Variants in PKIG observed in about 807,000 individuals in gnomAD.
PKIG encodes the protein protein kinase (cAMP-dependent, catalytic) inhibitor gamma.
Under a neutral mutation model 6.8 loss-of-function variants are expected in PKIG, and 1 was observed. That is an observed-to-expected ratio of 0.15 (90% CI 0.05 to 0.69). PKIG has a LOEUF of 0.69. Ranked by LOEUF, PKIG falls within the 30% of genes least tolerant of loss-of-function variation. The pLI is 0.82. For synonymous variants in PKIG, 39 were observed against 43.0 expected, an observed-to-expected ratio of 0.91 and a Z score of 0.36; for missense variants, 77 against 104.0, an observed-to-expected ratio of 0.74 and a Z score of 1.13.
intron 1 of PKIG, among the ~76,000 whole-genome samples, chr20:44,571,197 A>G (rs202203187): frequency 6.6e-6 from 1 of 151,906 alleles, no homozygotes; most frequent in East Asian, 1.9e-4. Context: ...TCGTGCTCTC[A>G]CTACAGCCTA....
intron 2 of PKIG, among the ~76,000 whole-genome samples, chr20:44,607,992 G>T (rs1014078417): frequency 6.8e-6 from 1 of 146,448 alleles, no homozygotes; most frequent in Non-Finnish European, 1.5e-5. Context: ...CACCATGCCC[G>T]GCCAAAATTT....
chr20:44,556,897 A>G (rs1301173161), intron 1 of PKIG, among the ~76,000 whole-genome samples: 2 of 152,188 alleles, frequency 1.3e-5, no homozygotes, highest in Admixed American at 6.5e-5. Context: ...AGCCCCACTC[A>G]TTATTTTTAT....
upstream of PKIG, among the ~76,000 whole-genome samples, chr20:44,582,325 G>A (rs1455261254): frequency 6.6e-6 from 1 of 152,162 alleles, no homozygotes; most frequent in Non-Finnish European, 1.5e-5. Flanking sequence ...TGGATAGGAA[G>A]CCTTTTGTCA....
At chr20:44,610,093 C>G (rs972236827) in intron 2 of PKIG, among the ~76,000 whole-genome samples, 2 of 152,188 alleles carry the variant, frequency 1.3e-5, no homozygotes, top group African/African-American at 4.8e-5. Context: ...TCCGGGAATT[C>G]TTTTAGCCAA....
intron 1 of PKIG, among the ~76,000 whole-genome samples, chr20:44,569,561 A>G (rs971556182): frequency 6.6e-6 from 1 of 152,200 alleles, no homozygotes; most frequent in Admixed American, 6.5e-5. Flanking sequence ...AATAAAATAT[A>G]CATAAACATG....
chr20:44,573,119 G>A (rs994877827), intron 1 of PKIG, among the ~76,000 whole-genome samples: 2 of 152,218 alleles, frequency 1.3e-5, no homozygotes, highest in African/African-American at 4.8e-5. Context: ...ACTGCTGCAG[G>A]CTGCCTGTGC....
At chr20:44,611,590 C>T (rs2065219661) in intron 2 of PKIG, among the ~76,000 whole-genome samples, 1 of 150,886 alleles carries the variant, frequency 6.6e-6, no homozygotes, top group African/African-American at 2.4e-5. Flanking sequence ...GATCTTGGCT[C>T]ACTGCAAGCT....
chr20:44,539,480 C>T (rs1204108765), intron 1 of PKIG, among the ~76,000 whole-genome samples: 7 of 151,138 alleles, frequency 4.6e-5, no homozygotes, highest in East Asian at 1.9e-4. Context: ...AGCGCAGTGG[C>T]GTGATCTCGG....
intron 1 of PKIG, among the ~76,000 whole-genome samples, chr20:44,586,791 G>A (rs1032312905): frequency 2.4e-4 from 37 of 152,212 alleles, no homozygotes; most frequent in African/African-American, 8.9e-4. Flanking sequence ...TTGGAGTACT[G>A]CTCCTTCAAA....
chr20:44,589,935 C>G (rs2065021270), intron 2 of PKIG, 69 bp downstream of exon 2: 1 of 152,282 alleles, frequency 6.6e-6, no homozygotes, highest in Non-Finnish European at 1.5e-5. Flanking sequence ...ATCTTTATTT[C>G]TGGTTGAAGG....
At chr20:44,592,030 G>T (rs917852313) in intron 2 of PKIG, among the ~76,000 whole-genome samples, 2 of 152,178 alleles carry the variant, frequency 1.3e-5, no homozygotes, top group Non-Finnish European at 2.9e-5. Context: ...TGTGTGCTTG[G>T]CACCACCCAC....
rs244086 is a variant in PKIG at position 44,610,653 on chromosome 20, A to G, written c.-23-3881A>G. Among the ~76,000 whole-genome samples, 389 of 152,354 alleles carry G rather than the reference A, an allele frequency of 2.6e-3. 1 individual carries two copies. Among genetic ancestry groups the G allele is most frequent in the African/African-American group, 8.6e-3 (357 of 41,576 alleles). The stretch of plus-strand genomic sequence containing the variant: ...ATAAAACTTCAACCATTGAAAAAAT[A>G]TAGACTTAGAAAACGAAAGTTCCCC... On this transcript the variant is annotated intron_variant, in intron 2 of 3. Coordinates refer to ENST00000372886, the MANE Select transcript of PKIG (RefSeq NM_001281445.2).
At chr20:44,533,396 A>G (rs576698911) in intron 1 of PKIG, among the ~76,000 whole-genome samples, 3 of 152,240 alleles carry the variant, frequency 2.0e-5, no homozygotes, top group African/African-American at 7.2e-5. Flanking sequence ...GTAAGGAAGC[A>G]GGTCCCTGCC....
At chr20:44,545,968 C>G (rs1372613334) in intron 1 of PKIG, among the ~76,000 whole-genome samples, 2 of 151,910 alleles carry the variant, frequency 1.3e-5, no homozygotes, top group Non-Finnish European at 2.9e-5. Flanking sequence ...AAGGCCTTCA[C>G]TGGGCACAGT....
chr20:44,615,145 A>G (rs887632180), intron 3 of PKIG, among the ~76,000 whole-genome samples: 2 of 152,088 alleles, frequency 1.3e-5, no homozygotes, highest in African/African-American at 4.8e-5. Context: ...CAAAAAAAAA[A>G]AATCCCCCAG....
intron 2 of PKIG, among the ~76,000 whole-genome samples, chr20:44,603,543 C>T (rs1413329011): frequency 6.6e-6 from 1 of 152,058 alleles, no homozygotes; most frequent in Non-Finnish European, 1.5e-5. Context: ...ATCAGGGACT[C>T]CCAAGGGGGC....
At chr20:44,606,033 G>A (rs1311468091) in intron 2 of PKIG, among the ~76,000 whole-genome samples, 1 of 152,134 alleles carries the variant, frequency 6.6e-6, no homozygotes, top group Non-Finnish European at 1.5e-5. Flanking sequence ...TTTTACTAAT[G>A]AATATAAAAA....
intron 1 of PKIG, among the ~76,000 whole-genome samples, chr20:44,540,669 C>T (rs1246577808): frequency 1.3e-5 from 2 of 152,124 alleles, no homozygotes; most frequent in Non-Finnish European, 2.9e-5. Context: ...ACCTCTACCT[C>T]CTGGGTTCAA....
rs542948129 is a variant in PKIG at position 44,554,683 on chromosome 20, C to A, written c.-241+22705C>A. Reference sequence around the variant, plus strand: ...GGCAAAAAACAGATTCTTGGTTTTCCTAACTTGTTTTTAGCAGAGGACAAA... The same window carrying A: ...GGCAAAAAACAGATTCTTGGTTTTCATAACTTGTTTTTAGCAGAGGACAAA... On this transcript the variant is annotated intron_variant, in intron 1 of 4. Coordinates refer to the PKIG transcript ENST00000372887. Among the ~76,000 whole-genome samples the A allele has an allele frequency of 2.2e-4, 34 of 152,218 alleles. No homozygotes were observed. In the South Asian group the frequency reaches 6.4e-3, roughly 29 times the overall value.
Sources: gnomAD v4.1 joint callset for allele counts (sites outside exome capture counted in the v4.1 genomes callset) on GRCh38, gnomAD v4.1.1 for gene constraint, MANE v1.5 for transcripts, NCBI Gene and HGNC (gene_info 2026-07-23, HGNC 2026-07-21) for gene names.